Variants in SYN3 observed in about 807,000 individuals in gnomAD.
SYN3 encodes synapsin III, also known as synapsin-3.
SYN3 carries 35 observed loss-of-function variants against 65.8 expected under a neutral mutation model. That is an observed-to-expected ratio of 0.53 (90% confidence interval 0.41 to 0.70). The LOEUF (loss-of-function observed/expected upper bound fraction) is 0.70. SYN3 is among the 30% of genes least tolerant of loss of function. The pLI is 0.00. For synonymous variants in SYN3, 270 were observed against 292.9 expected (o/e 0.92, Z 0.80); for missense variants, 680 against 749.0 (o/e 0.91, Z 1.08).
At chr22:32,858,329 G>A (rs549975773) in intron 6 of SYN3, among the ~76,000 whole-genome samples, 1 of 152,322 alleles carries the variant, frequency 6.6e-6, no homozygotes, top group South Asian at 2.1e-4. Context: ...AGGAAGGCAG[G>A]GAAGGAAGAA....
intron 6 of SYN3, among the ~76,000 whole-genome samples, chr22:32,757,633 G>A (rs957016796): frequency 2.0e-5 from 3 of 152,158 alleles, no homozygotes; most frequent in Non-Finnish European, 4.4e-5. Context: ...AAGCTAAGAA[G>A]GGAGTTACAG....
At chr22:32,862,770 T>C (rs1424525214) in intron 6 of SYN3, 2 of 152,610 alleles carry the variant, frequency 1.3e-5, no homozygotes, top group African/African-American at 2.4e-5. Context: ...GGTAGAGGCT[T>C]CTTAGATTCT....
intron 6 of SYN3, chr22:32,862,628 A>C (rs2146314383): frequency 6.6e-6 from 1 of 152,370 alleles, no homozygotes; most frequent in African/African-American, 2.4e-5. Context: ...TGAGAGACAA[A>C]CATTATAAAA....
intron 6 of SYN3, among the ~76,000 whole-genome samples, chr22:32,821,686 G>A (rs1269692038): frequency 6.6e-6 from 1 of 152,132 alleles, no homozygotes; most frequent in Admixed American, 6.5e-5. Flanking sequence ...GGTGGGGAGT[G>A]GGGGAAAGCA....
intron 4 of SYN3, 189 bp downstream of exon 4, chr22:32,931,201 C>A: frequency 1.9e-6 from 1 of 531,798 alleles, no homozygotes; most frequent in Non-Finnish European, 3.4e-6. Context: ...GGGGACACCA[C>A]AGGTGCTGCA....
intron 6 of SYN3, among the ~76,000 whole-genome samples, chr22:32,820,951 T>G (rs998409017): frequency 3.9e-5 from 6 of 152,206 alleles, no homozygotes; most frequent in African/African-American, 1.4e-4. Context: ...GACATGTTAA[T>G]TGGCTTCAAG....
chr22:32,563,710 C>T (rs1019362465), intron 7 of SYN3, among the ~76,000 whole-genome samples: 6 of 152,144 alleles, frequency 3.9e-5, no homozygotes, highest in African/African-American at 1.4e-4. Flanking sequence ...CACTCTGTTA[C>T]CCAGGCTGGA....
intron 4 of SYN3, among the ~76,000 whole-genome samples, chr22:32,869,370 C>CAG (rs2048783635): frequency 6.6e-6 from 1 of 151,016 alleles, no homozygotes; most frequent in Non-Finnish European, 1.5e-5. Context: ...CTCTCTCTCA[C>CAG]AGGCTCTTTC....
Position 32,529,017 on chromosome 22 carries a change from A to AAT in SYN3, c.1096-10_1096-9insAT. 6.2e-7 allele frequency: 1 copy of AAT among 1,613,564 alleles called. No individual in the cohort carries two copies. The highest frequency in any genetic ancestry group is 8.5e-7 in the Non-Finnish European group (1 of 1,179,968). ...ATTGAGCTGTCCATTACCTGTGGGG[A>AAT]GGAAGGGAGAGCTGAGGGACCCCCA... On this transcript the variant is annotated splice_polypyrimidine_tract_variant and intron_variant, in intron 10 of 13. Transcript: ENST00000358763.
intron 6 of SYN3, among the ~76,000 whole-genome samples, chr22:32,628,997 C>T (rs958754199): frequency 3.9e-5 from 6 of 152,132 alleles, no homozygotes; most frequent in South Asian, 4.1e-4. Flanking sequence ...AGAATTGCTC[C>T]GCCTGATAGA....
chr22:32,519,352 T>G (rs1178611045), intron 12 of SYN3: 1 of 152,142 alleles, frequency 6.6e-6, no homozygotes, highest in Non-Finnish European at 1.5e-5. Context: ...TGAAGATGTA[T>G]TTCTTTGGAA....
chr22:32,866,437 G>T (rs1320228941), intron 5 of SYN3, among the ~76,000 whole-genome samples: 2 of 152,214 alleles, frequency 1.3e-5, no homozygotes, highest in Admixed American at 6.5e-5. Context: ...GGAAATTGGA[G>T]TCCAGAAAGG....
intron 6 of SYN3, among the ~76,000 whole-genome samples, chr22:32,762,801 G>A (rs2045520821): frequency 6.6e-6 from 1 of 152,188 alleles, no homozygotes; most frequent in Non-Finnish European, 1.5e-5. Flanking sequence ...CCTTCTTTCT[G>A]AGCCTCAGCT....
chr22:32,985,064 C>T (rs2052483476), intron 2 of SYN3, among the ~76,000 whole-genome samples: 1 of 152,180 alleles, frequency 6.6e-6, no homozygotes, highest in Non-Finnish European at 1.5e-5. Flanking sequence ...GACCCCAACT[C>T]CTCCACTCAC....
chr22:32,894,580 G>A (rs781544329), intron 4 of SYN3, among the ~76,000 whole-genome samples: 8 of 152,326 alleles, frequency 5.3e-5, no homozygotes, highest in South Asian at 2.1e-4. Context: ...GCACGACCCC[G>A]TCATCCTGAC....
In SYN3 at chr22:32,512,324, A is replaced by C. The variant is rs762889140; in HGVS notation, c.*1368T>G. Among the ~76,000 whole-genome samples, 28 of 152,276 alleles carry C rather than the reference A, an allele frequency of 1.8e-4. No homozygotes were observed. The highest frequency in any genetic ancestry group is 3.4e-4 in the Non-Finnish European group (23 of 68,018). ...GACATGTCTCATGTTGCGAAGTGGG[A>C]GGCAAGGGGCTAACATGGCTATGTT... is the stretch of plus-strand genomic sequence containing the variant. On this transcript the variant is annotated 3_prime_UTR_variant, in exon 14 of 14. Coordinates refer to ENST00000358763, the MANE Select transcript of SYN3 (RefSeq NM_003490.4).
chr22:32,536,196 G>A (rs537645556), intron 9 of SYN3, among the ~76,000 whole-genome samples: 3 of 152,310 alleles, frequency 2.0e-5, no homozygotes, highest in East Asian at 1.9e-4. Flanking sequence ...CGACTGTCCC[G>A]TGAACACCTG....
At chr22:32,626,761 C>T (rs2059671863) in intron 6 of SYN3, among the ~76,000 whole-genome samples, 1 of 152,108 alleles carries the variant, frequency 6.6e-6, no homozygotes, top group East Asian at 1.9e-4. Context: ...CACTGGGTGC[C>T]CCGAGTGTGG....
intron 6 of SYN3, among the ~76,000 whole-genome samples, chr22:32,699,371 T>C (rs1444166048): frequency 6.6e-6 from 1 of 152,202 alleles, no homozygotes; most frequent in Non-Finnish European, 1.5e-5. Flanking sequence ...CTCTTGCCAA[T>C]GGGCAGGGAG....
Sources: allele counts gnomAD v4.1 joint callset (sites outside exome capture counted in the v4.1 genomes callset), GRCh38; gene constraint gnomAD v4.1.1; transcripts MANE v1.5; gene names NCBI Gene and HGNC (gene_info 2026-07-23, HGNC 2026-07-21).